Variants in M1AP observed in about 807,000 individuals in gnomAD.
M1AP encodes meiosis 1 associated protein, also known as meiosis 1 arrest protein.
M1AP carries 39 observed loss-of-function variants against 51.2 expected under a neutral mutation model. That is an observed-to-expected ratio of 0.76 (90% CI 0.59 to 1.00). M1AP has a LOEUF of 1.00. Ranked by LOEUF, M1AP falls within the 50% of genes least tolerant of loss-of-function variation. M1AP has a pLI of 0.00. For synonymous variants in M1AP, 251 were observed against 249.2 expected (o/e 1.01, Z -0.07); for missense variants, 545 against 641.2 (o/e 0.85, Z 1.62).
rs147130883 is a variant in M1AP, at chr2:74,617,887, C to T, written c.241-2738G>A. On this transcript the variant is annotated intron_variant, in intron 2 of 10. Transcript: ENST00000421985. ...AATACTCCCACTTCTTTGGCAATGCCGAATCTGCAAACTGACTGCTTAGTC... is the reference window on the plus strand; with the variant it reads ...AATACTCCCACTTCTTTGGCAATGCTGAATCTGCAAACTGACTGCTTAGTC... 4.3e-4 allele frequency among the ~76,000 whole-genome samples: 66 copies of T among 152,224 alleles called. 1 individual carries two copies. The highest frequency in any genetic ancestry group is 1.4e-3 in the African/African-American group (57 of 41,520).
intron 7 of M1AP, among the ~76,000 whole-genome samples, chr2:74,569,876 TTGTG>T (rs373202091): frequency 1.3e-5 from 2 of 149,410 alleles, no homozygotes; most frequent in South Asian, 2.1e-4. Context: ...TAGAGATAAT[TTGTG>T]TGTGTGTGTG....
chr2:74,606,630 G>A lies in M1AP; in HGVS notation c.595+425C>T, dbSNP rs116359907. Among the ~76,000 whole-genome samples, 548 of 152,010 alleles carry A rather than the reference G, an allele frequency of 3.6e-3. 5 individuals are homozygous for A. Among genetic ancestry groups the A allele is most frequent in the African/African-American group, 0.013 (530 of 41,478 alleles). ...TATATATATATATAAAAGAATGTTA[G>A]AAGGGATAGCCCAATCCCTTCAAAG... On this transcript the variant is annotated intron_variant, in intron 4 of 10. Transcript: ENST00000421985.
intron 6 of M1AP, among the ~76,000 whole-genome samples, chr2:74,576,043 TCTC>T (rs1273784096): frequency 6.6e-6 from 1 of 151,988 alleles, no homozygotes; most frequent in East Asian, 1.9e-4. Flanking sequence ...TACAATTGGT[TCTC>T]CTGGAAGAAG....
At chr2:74,641,296 T>C (rs1012136446) in intron 1 of M1AP, among the ~76,000 whole-genome samples, 1 of 152,218 alleles carries the variant, frequency 6.6e-6, no homozygotes, top group African/African-American at 2.4e-5. Flanking sequence ...GCCTTCTTTC[T>C]CTACTGGCTA....
chr2:74,572,509 C>T (rs892084256), intron 7 of M1AP, among the ~76,000 whole-genome samples: 3 of 152,114 alleles, frequency 2.0e-5, no homozygotes, highest in African/African-American at 7.2e-5. Context: ...TTAATAGAGA[C>T]AGGGTCTCAC....
chr2:74,618,366 T>G (rs1319999398), intron 2 of M1AP, among the ~76,000 whole-genome samples: 1 of 152,150 alleles, frequency 6.6e-6, no homozygotes, highest in Non-Finnish European at 1.5e-5. Flanking sequence ...GCCACCAATT[T>G]AAACTGAAAA....
rs761086119 is a variant in M1AP at position 74,581,822 on chromosome 2, A to C, written c.621T>G (p.Ile207Met). ...TATCATTGTCTATAGTCTGAAGGTC[A>C]ATGTCAGTTCCCAGAATAGAACTCT... ...NDESSILGTD[I>M]DLQTIDNDIV... is the part of the protein sequence containing the mutation. Residue 207 changes from isoleucine (I) to methionine (M), a missense_variant, in exon 5 of 11, where the codon ATT becomes ATG. By Grantham distance (10) the Ile-to-Met change is conservative. Transcript: ENST00000421985. The C allele has an allele frequency of 4.3e-6, 7 of 1,613,744 alleles. No individual in the cohort carries two copies. The highest frequency in any genetic ancestry group is 8.5e-7 in the Non-Finnish European group (1 of 1,179,788).
chr2:74,648,162 G>A, intron 1 of M1AP, 103 bp downstream of exon 1: 1 of 956,038 alleles, frequency 1.0e-6, no homozygotes, highest in Non-Finnish European at 1.2e-6. Context: ...ACCAACACCT[G>A]CCTGAGGACT....
chr2:74,636,031 G>A (rs144942315), intron 2 of M1AP, among the ~76,000 whole-genome samples: 10 of 152,110 alleles, frequency 6.6e-5, no homozygotes, highest in Admixed American at 1.3e-4. Context: ...CCTTATTGAT[G>A]TTCTATAATT....
Position 74,560,174 on chromosome 2 carries a change from A to C in M1AP, c.1399T>G (p.Trp467Gly). The change falls in exon 9 of 11, where the codon TGG (tryptophan) becomes GGG (glycine). Residue 467 changes from tryptophan to glycine, a missense_variant. By Grantham distance (184) the Trp-to-Gly change is radical (BLOSUM62 -2). Coordinates refer to ENST00000421985, the MANE Select transcript of M1AP (RefSeq NM_001321739.2). The part of the protein sequence containing the change: ...AKPQGRLHPH[W>G]ESRAPRKHPC... Reference sequence around the variant, plus strand: ...ACCTTTCTCGGAGCTCGGCTCTCCCAGTGTGGGTGGAGCCGCCCCTGAGGC... The same window carrying C: ...ACCTTTCTCGGAGCTCGGCTCTCCCCGTGTGGGTGGAGCCGCCCCTGAGGC... 3 of 1,613,894 alleles carry C rather than the reference A, an allele frequency of 1.9e-6. No homozygotes were observed. The highest frequency in any genetic ancestry group is 2.5e-6 in the Non-Finnish European group (3 of 1,179,964).
intron 7 of M1AP, among the ~76,000 whole-genome samples, chr2:74,568,407 G>A (rs1351881813): frequency 6.6e-6 from 1 of 152,240 alleles, no homozygotes; most frequent in Non-Finnish European, 1.5e-5. Context: ...AGCCTCTGGA[G>A]AAGGAAGAGT....
At chr2:74,567,977 C>T (rs1174101081) in intron 7 of M1AP, among the ~76,000 whole-genome samples, 2 of 152,174 alleles carry the variant, frequency 1.3e-5, no homozygotes, top group Non-Finnish European at 2.9e-5. Context: ...AAATAACAAG[C>T]CTGTGATTGA....
rs191288341 is a variant in M1AP at position 74,615,163 on chromosome 2, C to T, written c.241-14G>A. On this transcript the variant is annotated splice_polypyrimidine_tract_variant and intron_variant, in intron 2 of 10. Transcript: ENST00000421985. ...CCCTTTCACTTGCTGCAGAGAAAAACGAATCAAAGACACAAGTCTTTAGGG... is the reference window on the plus strand; with the variant it reads ...CCCTTTCACTTGCTGCAGAGAAAAATGAATCAAAGACACAAGTCTTTAGGG... 58 of 1,613,066 alleles carry T rather than the reference C, an allele frequency of 3.6e-5. No individual in the cohort carries two copies. In the Middle Eastern group the frequency reaches 8.2e-4, roughly 23 times the overall value.
chr2:74,601,297 C>T (rs367549886), intron 4 of M1AP, among the ~76,000 whole-genome samples: 32 of 151,424 alleles, frequency 2.1e-4, no homozygotes, highest in South Asian at 1.0e-3. Flanking sequence ...TGTGCCAATA[C>T]GGAAAAAATC....
rs527661768 is a variant in M1AP, at chr2:74,562,931, G to C, written c.1075-508C>G. Among the ~76,000 whole-genome samples, 37 of 152,098 alleles carry C rather than the reference G, an allele frequency of 2.4e-4. No individual in the cohort carries two copies. In the East Asian group the frequency reaches 7.2e-3, roughly 29 times the overall value. On this transcript the variant is annotated intron_variant, in intron 7 of 10. Transcript: ENST00000421985. ...ACCCTCTCTGTCTCAAAAGGAAAAA[G>C]AAAAAAGCAGTGTCTTGAAACCAAG...
intron 4 of M1AP, among the ~76,000 whole-genome samples, chr2:74,597,425 A>G (rs1680406989): frequency 6.6e-6 from 1 of 152,242 alleles, no homozygotes; most frequent in South Asian, 2.1e-4. Context: ...GAAAGGGAGA[A>G]AATCAGTATC....
chr2:74,570,182 G>A (rs1485333450), intron 7 of M1AP, among the ~76,000 whole-genome samples: 2 of 152,010 alleles, frequency 1.3e-5, no homozygotes, highest in Non-Finnish European at 2.9e-5. Flanking sequence ...ACTTAGTGAG[G>A]GTAAGCAAGT....
chr2:74,580,810 T>C lies in M1AP; in HGVS notation c.769+864A>G, dbSNP rs138480014. 1.7e-3 allele frequency among the ~76,000 whole-genome samples: 256 copies of C among 152,334 alleles called. 3 individuals carry two copies. The highest frequency in any genetic ancestry group is 6.8e-3 in the Middle Eastern group (2 of 294). ...TCTGTAGCCACTACCACTACCAGTA[T>C]TCTGTTCAATGAGAAAGATGGGTAC... On this transcript the variant is annotated intron_variant, in intron 5 of 10. Transcript: ENST00000421985.
At chr2:74,619,922 A>G (rs1681904358) in intron 2 of M1AP, among the ~76,000 whole-genome samples, 1 of 152,204 alleles carries the variant, frequency 6.6e-6, no homozygotes, top group Admixed American at 6.5e-5. Flanking sequence ...CAAGCTCTCA[A>G]CCTCACAATG....
Sources: allele counts gnomAD v4.1 joint callset (sites outside exome capture counted in the v4.1 genomes callset), GRCh38; gene constraint gnomAD v4.1.1; transcripts MANE v1.5; gene names NCBI Gene and HGNC (gene_info 2026-07-23, HGNC 2026-07-21).